The following ACIN1 variants were observed in gnomAD, a reference collection of about 807,000 sequenced individuals.
ACIN1 encodes the protein apoptotic chromatin condensation inducer 1, also known as apoptotic chromatin condensation inducer in the nucleus.
A neutral mutation model predicts 146.6 loss-of-function variants in ACIN1; 16 were observed. That is an observed-to-expected ratio of 0.11 (90% CI 0.07 to 0.17). The LOEUF (loss-of-function observed/expected upper bound fraction) is 0.17, where lower values mean the gene tolerates loss of function less well. Among genes scored for constraint, ACIN1 ranks in the 10% least tolerant of loss-of-function variants. ACIN1 has a pLI of 1.00. For missense variants in ACIN1, 1,357 were observed against 1,609.3 expected, an observed-to-expected ratio of 0.84 and a Z score of 2.68; for synonymous variants, 569 against 582.7, an observed-to-expected ratio of 0.98 and a Z score of 0.34.
chr14:23,074,387 G>A (rs936366240), intron 8 of ACIN1, among the ~76,000 whole-genome samples: 3 of 151,816 alleles, frequency 2.0e-5, no homozygotes, highest in African/African-American at 7.3e-5. Context: ...CCAACATGGT[G>A]AAACCCCATC....
chr14:23,061,283 T>C lies in ACIN1; in HGVS notation c.3424+15A>G. The C allele has an allele frequency of 2.5e-6, 4 of 1,613,830 alleles. No homozygotes were observed. Among genetic ancestry groups the C allele is most frequent in the Admixed American group, 1.7e-5 (1 of 60,020 alleles). Reference sequence around the variant, plus strand: ...CCTACTAGTGGGTATGCGTACCCCATAGCTAAGTACCTACCTTTCTTCTCA... The same window carrying C: ...CCTACTAGTGGGTATGCGTACCCCACAGCTAAGTACCTACCTTTCTTCTCA... On this transcript the variant is annotated intron_variant, in intron 17 of 18. Transcript: ENST00000605057.
At chr14:23,090,208 C>A in intron 3 of ACIN1, 107 bp from the exon 4 acceptor site, 1 of 1,445,628 alleles carries the variant, frequency 6.9e-7, no homozygotes, top group Non-Finnish European at 9.2e-7. Flanking sequence ...TACAGAGATA[C>A]ATACCAAAAA....
Position 23,079,714 on chromosome 14 carries a change from A to T in ACIN1, c.1621T>A (p.Ser541Thr). 1.2e-6 allele frequency: 2 copies of T among 1,614,080 alleles called. No homozygotes were observed. ...AGCGGTGAATGAGACCGAGAACCTG[A>T]ACTGTCAGGAGAGCGAGATCTTGAT... is the stretch of plus-strand genomic sequence containing the variant. ...SRSRSRSPDS[S>T]GSRSHSPLRS... The change falls in exon 6 of 19, where the codon TCA becomes ACA. Residue 541 changes from serine (S) to threonine (T), a missense_variant. Ser to Thr is a moderately conservative substitution (Grantham distance 58). Around this residue, in one of 4 missense-constraint regions of ACIN1, gnomAD observed 771 missense variants for 746.6 expected, o/e 1.03. Transcript: ENST00000605057.
chr14:23,069,056 T>TC, intron 9 of ACIN1: 1 of 988,166 alleles, frequency 1.0e-6, no homozygotes, highest in Non-Finnish European at 1.2e-6. Flanking sequence ...TTTCTCAGCA[T>TC]GGCTGGTCTG....
rs190949036 is a variant in ACIN1 at position 23,071,037 on chromosome 14, A to G, written c.2124-1420T>C. The G allele has an allele frequency of 4.3e-5, 61 of 1,412,024 alleles. No individual in the cohort carries two copies. In the East Asian group the frequency reaches 1.5e-3, roughly 34 times the overall value. 87.5% of individuals were successfully genotyped at this position (1,412,024 alleles called of 1,614,324 possible). A position where few individuals can be genotyped will look rare whatever the true frequency, so the allele number is the denominator to read the frequency against. ...GACTGAAAACAAACCAAAACGAAAG[A>G]CGGAATGAAAGCCATGAGGAAGAGA... On this transcript the variant is annotated intron_variant, in intron 8 of 18. Coordinates refer to ENST00000605057, the MANE Select transcript of ACIN1 (RefSeq NM_001386863.1).
chr14:23,078,615 C>T (rs776524847), intron 7 of ACIN1, among the ~76,000 whole-genome samples: 1 of 152,154 alleles, frequency 6.6e-6, no homozygotes, highest in Non-Finnish European at 1.5e-5. Flanking sequence ...ACCCTGGGGG[C>T]CCTGGAGATA....
Position 23,063,523 on chromosome 14 carries a change from TCTCTTCTTC to T in ACIN1, c.2641_2649del (p.Glu881_Glu883del), listed in dbSNP as rs769342141. 4.2e-5 allele frequency: 67 copies of T among 1,614,140 alleles called. No individual in the cohort carries two copies. In the South Asian group the frequency reaches 5.6e-4, roughly 13 times the overall value. On this transcript the variant is annotated inframe_deletion, in exon 13 of 19. Transcript: ENST00000605057. ...ACAGGAGGTTCTGCTTCAGGTTCCT[TCTCTTCTTC>T]CTCTTCTTCCCTCTGCCCATTCTCC...
chr14:23,081,980 A>T, intron 4 of ACIN1, 144 bp from the exon 5 acceptor site: 1 of 596,102 alleles, frequency 1.7e-6, no homozygotes. Context: ...TGACTTCTAC[A>T]CTAAAGAAAA....
At chr14:23,086,431 C>T (rs55888902) in intron 4 of ACIN1, among the ~76,000 whole-genome samples, 20,396 of 152,184 alleles carry the variant, frequency 0.13, 1,511 homozygotes, top group South Asian at 0.21. Context: ...CAATTTATGA[C>T]TATGGTAGGT....
intron 6 of ACIN1, 36 bp downstream of exon 6, chr14:23,079,511 A>T (rs1442806603): frequency 6.2e-7 from 1 of 1,602,364 alleles, no homozygotes; most frequent in Non-Finnish European, 8.5e-7. Flanking sequence ...GGAATATGAC[A>T]GAACATTAAT....
chr14:23,092,853 C>T (rs2048263271), intron 2 of ACIN1, among the ~76,000 whole-genome samples: 1 of 152,100 alleles, frequency 6.6e-6, no homozygotes, highest in Non-Finnish European at 1.5e-5. Context: ...AGGAAGCTCC[C>T]CAAAGCAGCT....
chr14:23,061,717 T>G (rs2047287749), intron 16 of ACIN1, 95 bp from the exon 17 acceptor site: 2 of 1,157,302 alleles, frequency 1.7e-6, no homozygotes, highest in Non-Finnish European at 2.4e-6. Context: ...CTCACGCCTG[T>G]AATCCCAGCA....
intron 13 of ACIN1, 169 bp downstream of exon 13, chr14:23,063,267 A>T: frequency 8.9e-7 from 1 of 1,125,824 alleles, no homozygotes; most frequent in South Asian, 1.6e-5. Context: ...AAGATTAAAC[A>T]GAGTCAAATC....
At chr14:23,086,184 TGTAA>T (rs1351025261) in intron 4 of ACIN1, among the ~76,000 whole-genome samples, 2 of 152,230 alleles carry the variant, frequency 1.3e-5, no homozygotes, top group Admixed American at 6.5e-5. Context: ...ATGTTAGACC[TGTAA>T]GTAAGTTACC....
At chr14:23,091,506 A>G (rs1286766748) in intron 2 of ACIN1, among the ~76,000 whole-genome samples, 2 of 149,966 alleles carry the variant, frequency 1.3e-5, no homozygotes, top group African/African-American at 4.9e-5. Flanking sequence ...TGGTGGGTGC[A>G]GTGAACTGAG....
intron 4 of ACIN1, among the ~76,000 whole-genome samples, chr14:23,087,491 T>C (rs1194506115): frequency 6.6e-6 from 1 of 151,140 alleles, no homozygotes; most frequent in Non-Finnish European, 1.5e-5. Context: ...CATCAATCAT[T>C]AGCCATGGGC....
In ACIN1 at chr14:23,068,799, C is replaced by T; in HGVS notation, c.2265+677G>A. On this transcript the variant is annotated intron_variant, in intron 9 of 18. Coordinates refer to ENST00000605057, the MANE Select transcript of ACIN1 (RefSeq NM_001386863.1). The surrounding 1 kb of genome is among the most constrained non-coding windows in gnomAD (Gnocchi z 4.3). ...AGGCTACACACACAACAGTCCCTCC[C>T]ACCTTGTTACCCCTCTCCTAAACCC... The T allele has an allele frequency of 1.0e-6, 1 of 985,480 alleles. No homozygotes were observed. The highest frequency in any genetic ancestry group is 1.2e-6 in the Non-Finnish European group (1 of 829,970). The allele number at this position is 985,480 out of a possible 1,614,324, so 61.0% of individuals were successfully genotyped here.
Position 23,064,345 on chromosome 14 carries a change from C to G in ACIN1, c.2442+10G>C, listed in dbSNP as rs202214497. The G allele has an allele frequency of 1.1e-3, 1,821 of 1,614,076 alleles. No homozygotes were observed. The highest frequency in any genetic ancestry group is 1.5e-3 in the Non-Finnish European group (1,749 of 1,180,014). Reference sequence around the variant, plus strand: ...TCTCATCCTCCCTTCCCTGGCTCCTCCCACCTCACCTTTAGTGATTCAGTG... The same window carrying G: ...TCTCATCCTCCCTTCCCTGGCTCCTGCCACCTCACCTTTAGTGATTCAGTG... On this transcript the variant is annotated intron_variant, in intron 11 of 18. Coordinates refer to ENST00000605057, the MANE Select transcript of ACIN1 (RefSeq NM_001386863.1).
At chr14:23,070,636 C>G (rs989353667) in intron 8 of ACIN1, among the ~76,000 whole-genome samples, 4 of 152,192 alleles carry the variant, frequency 2.6e-5, no homozygotes, top group African/African-American at 9.7e-5. Context: ...CTCACCCCCT[C>G]TACCACCCAA....
Sources: gnomAD v4.1 joint callset for allele counts (sites outside exome capture counted in the v4.1 genomes callset) on GRCh38, gnomAD v4.1.1 for gene constraint, gnomAD v4.1.1 regional missense constraint, Gnocchi (gnomAD v3.1) non-coding constraint, MANE v1.5 for transcripts, NCBI Gene and HGNC (gene_info 2026-07-23, HGNC 2026-07-21) for gene names.